Variants in CACNA2D3 observed in about 807,000 individuals in gnomAD.
The protein encoded by CACNA2D3 is calcium voltage-gated channel auxiliary subunit alpha2delta 3, also known as voltage-dependent calcium channel subunit alpha-2/delta-3.
A neutral mutation model predicts 160.6 loss-of-function variants in CACNA2D3; 60 were observed. That is an observed-to-expected ratio of 0.37 (90% CI 0.30 to 0.46). The LOEUF is 0.46. CACNA2D3 is among the 20% of genes least tolerant of loss of function. CACNA2D3 has a pLI of 1.00. For synonymous variants in CACNA2D3, 558 were observed against 492.9 expected, an observed-to-expected ratio of 1.13 and a Z score of -1.75; for missense variants, 1,205 against 1,365.0, an observed-to-expected ratio of 0.88 and a Z score of 1.85.
intron 2 of CACNA2D3, among the ~76,000 whole-genome samples, chr3:54,281,454 G>C (rs529518775): frequency 3.4e-4 from 52 of 152,246 alleles, no homozygotes; most frequent in Non-Finnish European, 6.0e-4. Flanking sequence ...TGGATCATGA[G>C]GGGGAGGAAG....
At chr3:54,559,491 C>A (rs1336208345) in intron 5 of CACNA2D3, among the ~76,000 whole-genome samples, 1 of 152,054 alleles carries the variant, frequency 6.6e-6, no homozygotes, top group Non-Finnish European at 1.5e-5. Context: ...TGGGCTTTCA[C>A]CATGTTGGCC....
At chr3:54,898,196 CCT>C (rs1341738240) in intron 26 of CACNA2D3, among the ~76,000 whole-genome samples, 4 of 112,368 alleles carry the variant, frequency 3.6e-5, no homozygotes, top group Non-Finnish European at 7.3e-5. Context: ...CTTTTCTTTT[CCT>C]CTCTCTCTCT....
rs562413578 is a variant in CACNA2D3, at chr3:54,420,757, G to A, written c.381+33983G>A. 2.0e-5 allele frequency among the ~76,000 whole-genome samples: 3 copies of A among 152,304 alleles called. No homozygotes were observed. The South Asian group carries it at 6.2e-4, about 32-fold the overall frequency. On this transcript the variant is annotated intron_variant, in intron 4 of 37. Coordinates refer to ENST00000474759, the MANE Select transcript of CACNA2D3 (RefSeq NM_018398.3). ...AGAGAAGTTAAATAAATTACCAAAA[G>A]TCACAGGGGAGGAAGTGCTGCACCT...
intron 3 of CACNA2D3, among the ~76,000 whole-genome samples, chr3:54,325,471 C>T (rs1379712866): frequency 6.6e-6 from 1 of 152,144 alleles, no homozygotes; most frequent in Non-Finnish European, 1.5e-5. Context: ...AACAGCTCTG[C>T]CACTGCCTTC....
intron 4 of CACNA2D3, among the ~76,000 whole-genome samples, chr3:54,432,706 A>G (rs983532241): frequency 2.0e-5 from 3 of 152,186 alleles, no homozygotes; most frequent in African/African-American, 7.2e-5. Flanking sequence ...TGCTCTGTAT[A>G]TAGATTTTTT....
chr3:54,557,209 AT>A (rs1702255209), intron 5 of CACNA2D3, among the ~76,000 whole-genome samples: 1 of 152,150 alleles, frequency 6.6e-6, no homozygotes, highest in Admixed American at 6.5e-5. Context: ...CACAGCCCCC[AT>A]TTTAGGTAGA....
chr3:54,411,058 A>G (rs1292716187), intron 4 of CACNA2D3, among the ~76,000 whole-genome samples: 1 of 152,226 alleles, frequency 6.6e-6, no homozygotes. Context: ...CAAGAGGACT[A>G]GAATTAGAAA....
At chr3:54,616,022 G>A (rs528602502) in intron 9 of CACNA2D3, among the ~76,000 whole-genome samples, 55 of 152,144 alleles carry the variant, frequency 3.6e-4, no homozygotes, top group Non-Finnish European at 7.2e-4. Context: ...GCCCTGCCCC[G>A]CTACCATCCC....
intron 4 of CACNA2D3, among the ~76,000 whole-genome samples, chr3:54,403,546 A>T (rs1157216846): frequency 6.6e-6 from 1 of 152,190 alleles, no homozygotes; most frequent in Non-Finnish European, 1.5e-5. Flanking sequence ...AAATAATAAG[A>T]AGAAAGATTT....
At chr3:54,935,272 G>A (rs373760671) in intron 27 of CACNA2D3, among the ~76,000 whole-genome samples, 1 of 152,248 alleles carries the variant, frequency 6.6e-6, no homozygotes, top group East Asian at 1.9e-4. Context: ...TACTGTCAGG[G>A]TTAGAGGAAA....
intron 35 of CACNA2D3, among the ~76,000 whole-genome samples, chr3:55,033,784 ATTAAATATATTTTATATAATATG>A (rs1703739948): frequency 2.2e-5 from 2 of 89,726 alleles, no homozygotes; most frequent in Non-Finnish European, 4.9e-5. Flanking sequence ...TGTATTATAT[ATTAAATATATTTTATATAATATG>A]TATTATATAT....
chr3:54,987,190 A>G (rs1042933840), intron 30 of CACNA2D3, among the ~76,000 whole-genome samples: 12 of 152,162 alleles, frequency 7.9e-5, no homozygotes, highest in Non-Finnish European at 1.5e-4. Flanking sequence ...TGATTCTGAG[A>G]AAGGGTGGAT....
chr3:54,562,314 TA>T (rs1243958072), intron 5 of CACNA2D3, among the ~76,000 whole-genome samples: 1 of 152,196 alleles, frequency 6.6e-6, no homozygotes, highest in African/African-American at 2.4e-5. Context: ...TCAATTTATT[TA>T]TTTTTTTAAG....
At chr3:54,316,225 T>G (rs1460173979) in intron 2 of CACNA2D3, among the ~76,000 whole-genome samples, 1 of 152,214 alleles carries the variant, frequency 6.6e-6, no homozygotes, top group Non-Finnish European at 1.5e-5. Context: ...CTGGAATAGC[T>G]CACTCTATCC....
chr3:54,715,088 G>A (rs2106971603), intron 11 of CACNA2D3, among the ~76,000 whole-genome samples: 1 of 152,260 alleles, frequency 6.6e-6, no homozygotes, highest in African/African-American at 2.4e-5. Context: ...CCTCAAGACT[G>A]CCCCTACTTC....
At chr3:54,168,492 G>C (rs1225595531) in intron 2 of CACNA2D3, among the ~76,000 whole-genome samples, 6 of 152,174 alleles carry the variant, frequency 3.9e-5, no homozygotes, top group African/African-American at 1.4e-4. Context: ...TAAATGGAGA[G>C]CCCAGATTTG....
At chr3:54,571,091 C>T (rs1034695760) in intron 8 of CACNA2D3, among the ~76,000 whole-genome samples, 1 of 152,012 alleles carries the variant, frequency 6.6e-6, no homozygotes, top group Non-Finnish European at 1.5e-5. Context: ...CAGGACAGCT[C>T]GAAGCAGGGG....
intron 13 of CACNA2D3, among the ~76,000 whole-genome samples, chr3:54,808,086 A>G (rs1396630826): frequency 6.7e-6 from 1 of 148,884 alleles, no homozygotes; most frequent in Admixed American, 6.7e-5. Flanking sequence ...GGATAGCATT[A>G]GGAGATATAC....
intron 2 of CACNA2D3, among the ~76,000 whole-genome samples, chr3:54,265,706 G>A (rs1702500153): frequency 6.7e-6 from 1 of 149,562 alleles, no homozygotes; most frequent in Non-Finnish European, 1.5e-5. Flanking sequence ...TATATATAGT[G>A]TGTTTATATA....
Sources: gnomAD v4.1 joint callset for allele counts (sites outside exome capture counted in the v4.1 genomes callset) on GRCh38, gnomAD v4.1.1 for gene constraint, MANE v1.5 for transcripts, NCBI Gene and HGNC (gene_info 2026-07-23, HGNC 2026-07-21) for gene names.